FAM174B: variants seen among roughly 807,000 people sequenced by gnomAD.
The protein encoded by FAM174B is family with sequence similarity 174 member B.
Under a neutral mutation model 10.9 loss-of-function variants are expected in FAM174B, and 12 were observed. The observed-to-expected ratio is 1.10, with a 90% confidence interval of 0.71 to 1.79. The LOEUF (loss-of-function observed/expected upper bound fraction) is 1.79. Ranked by LOEUF, FAM174B falls within the 40% of genes most tolerant of loss-of-function variation. The pLI is 0.00. For synonymous variants in FAM174B, 132 were observed against 115.8 expected, an observed-to-expected ratio of 1.14 and a Z score of -0.90; for missense variants, 266 against 233.3, an observed-to-expected ratio of 1.14 and a Z score of -0.91.
At chr15:92,638,498 C>T (rs79713331) in intron 1 of FAM174B, among the ~76,000 whole-genome samples, 5,953 of 152,226 alleles carry the variant, frequency 0.039, 143 homozygotes, top group African/African-American at 0.075. Flanking sequence ...CCCTCACCCA[C>T]GAAGAGAATA....
chr15:92,640,136 C>T (rs377023310), intron 1 of FAM174B, among the ~76,000 whole-genome samples: 10 of 152,062 alleles, frequency 6.6e-5, no homozygotes, highest in Non-Finnish European at 1.0e-4. Context: ...ATAAATTAGA[C>T]GGATCAGACT....
intron 1 of FAM174B, among the ~76,000 whole-genome samples, chr15:92,641,062 TCACACACA>T (rs35507479): frequency 6.7e-6 from 1 of 149,808 alleles, no homozygotes; most frequent in Non-Finnish European, 1.5e-5. Context: ...CACAGGCAGT[TCACACACA>T]CACACACACA....
intron 1 of FAM174B, among the ~76,000 whole-genome samples, chr15:92,640,514 T>G (rs1269149864): frequency 8.7e-6 from 1 of 115,034 alleles, no homozygotes; most frequent in Non-Finnish European, 1.6e-5. Context: ...ATCGTGCCAC[T>G]GCACTACAGC....
chr15:92,635,548 G>A (rs1248695964), intron 1 of FAM174B, among the ~76,000 whole-genome samples: 1 of 151,520 alleles, frequency 6.6e-6, no homozygotes, highest in Non-Finnish European at 1.5e-5. Context: ...AAGTGGGATT[G>A]AGGGTGCAGG....
At chr15:92,655,201 G>A in intron 1 of FAM174B, 115 bp downstream of exon 1, 1 of 1,382,288 alleles carries the variant, frequency 7.2e-7, no homozygotes, top group Non-Finnish European at 9.4e-7. Flanking sequence ...GCACACGGCT[G>A]GCTGGGGCGC....
In FAM174B at chr15:92,617,576, G is replaced by A; in HGVS notation, c.*1880C>T. 1.8e-6 allele frequency: 1 copy of A among 571,140 alleles called. No individual in the cohort carries two copies. Among genetic ancestry groups the A allele is most frequent in the South Asian group, 2.1e-5 (1 of 47,254 alleles). The allele number at this position is 571,140 out of a possible 1,614,324, so 35.4% of individuals were successfully genotyped here. A position where few individuals can be genotyped will look rare whatever the true frequency, so the allele number is the denominator to read the frequency against. ...CAAGCACCTGGCAGATGGAGCCCGG[G>A]TGTTTCTGCGTAAGGCAGAGGAATC... On this transcript the variant is annotated 3_prime_UTR_variant, in exon 3 of 3. Transcript: ENST00000327355.
chr15:92,631,247 TTA>T (rs1202149447), intron 1 of FAM174B, among the ~76,000 whole-genome samples: 1 of 10,334 alleles, frequency 9.7e-5, no homozygotes, highest in African/African-American at 3.4e-4. Context: ...ATATATTATA[TTA>T]TATATAATAT....
chr15:92,644,153 G>A (rs1195224619), intron 1 of FAM174B, among the ~76,000 whole-genome samples: 1 of 152,016 alleles, frequency 6.6e-6, no homozygotes, highest in African/African-American at 2.4e-5. Flanking sequence ...TTCAGCCCTA[G>A]CCTCTGCCCC....
intron 1 of FAM174B, among the ~76,000 whole-genome samples, chr15:92,638,800 T>C (rs1340609818): frequency 6.6e-6 from 1 of 152,182 alleles, no homozygotes; most frequent in African/African-American, 2.4e-5. Flanking sequence ...GCAACCAGGC[T>C]GGGTTTTCTC....
At chr15:92,644,247 C>T (rs2050911127) in intron 1 of FAM174B, among the ~76,000 whole-genome samples, 1 of 152,152 alleles carries the variant, frequency 6.6e-6, no homozygotes, top group South Asian at 2.1e-4. Flanking sequence ...GCCACCAAGA[C>T]ACATTCCCAA....
intron 2 of FAM174B, among the ~76,000 whole-genome samples, chr15:92,620,750 G>C (rs1045749531): frequency 4.1e-5 from 6 of 145,766 alleles, no homozygotes; most frequent in Admixed American, 2.9e-4. Context: ...GGAAGGCAGA[G>C]GTTGCAGTGA....
chr15:92,646,842 C>G (rs551912688), intron 1 of FAM174B, among the ~76,000 whole-genome samples: 6 of 152,296 alleles, frequency 3.9e-5, no homozygotes, highest in South Asian at 2.1e-4. Flanking sequence ...AGTTATCCCC[C>G]CTTCCACTTA....
intron 1 of FAM174B, among the ~76,000 whole-genome samples, chr15:92,631,395 T>TATTA (rs1201544808): frequency 2.7e-4 from 6 of 22,392 alleles, no homozygotes; most frequent in Non-Finnish European, 3.4e-4. Context: ...ATATTATATA[T>TATTA]TATATTATAT....
In FAM174B at chr15:92,631,323, TATATA is replaced by T. The variant is rs1857509808; in HGVS notation, c.345-983_345-979del. Reference sequence around the variant, plus strand: ...ATATAATATATTATATATAATATTATATATAATATATTATATATTATATATAATAT... The same window carrying T: ...ATATAATATATTATATATAATATTATATATATTATATATTATATATAATAT... On this transcript the variant is annotated intron_variant, in intron 1 of 2. Coordinates refer to ENST00000327355, the MANE Select transcript of FAM174B (RefSeq NM_207446.3). Among the ~76,000 whole-genome samples the T allele has an allele frequency of 6.4e-4, 2 of 3,136 alleles. 1 individual carries two copies. Among genetic ancestry groups the T allele is most frequent in the African/African-American group, 1.3e-3 (2 of 1,560 alleles). The allele number at this position is 3,136 out of a possible 152,430, so 2.1% of individuals were successfully genotyped here.
chr15:92,632,199 T>C (rs886457647), intron 1 of FAM174B, among the ~76,000 whole-genome samples: 1 of 152,236 alleles, frequency 6.6e-6, no homozygotes, highest in Non-Finnish European at 1.5e-5. Flanking sequence ...GGAAAATGGT[T>C]ACAACACTAC....
At chr15:92,636,071 A>G (rs2050854212) in intron 1 of FAM174B, among the ~76,000 whole-genome samples, 1 of 152,226 alleles carries the variant, frequency 6.6e-6, no homozygotes, top group South Asian at 2.1e-4. Context: ...ATGGGAAAAT[A>G]GAGTGCATTC....
intron 1 of FAM174B, among the ~76,000 whole-genome samples, chr15:92,654,603 C>T (rs1191544358): frequency 2.6e-5 from 4 of 152,052 alleles, no homozygotes. Context: ...GTTCATCTAG[C>T]GCAACTTAGG....
At chr15:92,641,194 T>C (rs1055254471) in intron 1 of FAM174B, among the ~76,000 whole-genome samples, 1 of 152,198 alleles carries the variant, frequency 6.6e-6, no homozygotes, top group Admixed American at 6.5e-5. Context: ...CCTATTAATT[T>C]AGCAAAAATA....
chr15:92,619,174 C>A lies in FAM174B; in HGVS notation c.*282G>T. The A allele has an allele frequency of 1.4e-6, 1 of 701,698 alleles. No individual in the cohort carries two copies. The highest frequency in any genetic ancestry group is 2.6e-6 in the Non-Finnish European group (1 of 384,306). 43.5% of individuals were successfully genotyped at this position (701,698 alleles called of 1,614,324 possible). On this transcript the variant is annotated 3_prime_UTR_variant, in exon 3 of 3. Coordinates refer to ENST00000327355, the MANE Select transcript of FAM174B (RefSeq NM_207446.3). ...CATGTTTCTACCCTTTGCTCCTTAGCAAGGCACAAAGCCTCTTACATGGGG... is the reference window on the plus strand; with the variant it reads ...CATGTTTCTACCCTTTGCTCCTTAGAAAGGCACAAAGCCTCTTACATGGGG...
Sources: allele counts gnomAD v4.1 joint callset (sites outside exome capture counted in the v4.1 genomes callset), GRCh38; gene constraint gnomAD v4.1.1; transcripts MANE v1.5; gene names NCBI Gene and HGNC (gene_info 2026-07-23, HGNC 2026-07-21).